The following PLEK variants were observed in gnomAD, a reference collection of about 807,000 sequenced individuals.
PLEK encodes the protein platelet 47 kDa protein.
In PLEK, 25 loss-of-function variants were observed where a neutral mutation model predicts 43.9. The observed-to-expected ratio is 0.57, with a 90% CI of 0.41 to 0.79. The LOEUF (loss-of-function observed/expected upper bound fraction) is 0.79, where lower values mean the gene tolerates loss of function less well. Among genes scored for constraint, PLEK ranks in the 30% least tolerant of loss-of-function variants. The pLI, the probability that PLEK is intolerant of heterozygous loss-of-function variation, is 0.00. For synonymous variants in PLEK, 152 were observed against 144.4 expected (o/e 1.05, Z -0.38); for missense variants, 396 against 413.3 (o/e 0.96, Z 0.36).
At chr2:68,372,805 G>A (rs572937152) in intron 1 of PLEK, among the ~76,000 whole-genome samples, 2 of 152,036 alleles carry the variant, frequency 1.3e-5, no homozygotes, top group Admixed American at 6.5e-5. Context: ...TAAAGAAATC[G>A]ATACAGATTC....
In PLEK at chr2:68,394,042, A is replaced by G. The variant is rs1673910882; in HGVS notation, c.847-65A>G. ...TAGAGTGAGTCTGGCTTTTTCACCA[A>G]GAGGATGAGGTCTATCTATACTCTG... is the stretch of plus-strand genomic sequence containing the variant. On this transcript the variant is annotated intron_variant, in intron 7 of 8. Transcript: ENST00000234313. 3 of 1,042,994 alleles carry G rather than the reference A, an allele frequency of 2.9e-6. No individual in the cohort carries two copies. In the Admixed American group the frequency reaches 5.1e-5, roughly 18 times the overall value. The allele number at this position is 1,042,994 out of a possible 1,614,324, so 64.6% of individuals were successfully genotyped here. A position where few individuals can be genotyped will look rare whatever the true frequency, so the allele number is the denominator to read the frequency against.
chr2:68,368,568 T>C (rs1673327562), intron 1 of PLEK, among the ~76,000 whole-genome samples: 1 of 152,234 alleles, frequency 6.6e-6, no homozygotes. Flanking sequence ...AACAAATTGT[T>C]TTGTGGGCAA....
At chr2:68,368,944 A>C (rs373447440) in intron 1 of PLEK, among the ~76,000 whole-genome samples, 1 of 152,214 alleles carries the variant, frequency 6.6e-6, no homozygotes, top group African/African-American at 2.4e-5. Context: ...GGCAAGCAGC[A>C]GGGACAGGAA....
At chr2:68,367,253 CT>C (rs11338240) in intron 1 of PLEK, among the ~76,000 whole-genome samples, 65,008 of 149,570 alleles carry the variant, frequency 0.43, 14,458 homozygotes, top group East Asian at 0.72. Context: ...TTAAGATTCT[CT>C]TTTTTTTTTT....
chr2:68,377,556 AT>A (rs1229396936), intron 1 of PLEK, among the ~76,000 whole-genome samples: 3 of 152,160 alleles, frequency 2.0e-5, no homozygotes, highest in Non-Finnish European at 4.4e-5. Flanking sequence ...CACACTTGCC[AT>A]TTGTATGTCT....
chr2:68,375,396 G>T (rs932790802), intron 1 of PLEK, among the ~76,000 whole-genome samples: 1 of 152,090 alleles, frequency 6.6e-6, no homozygotes, highest in South Asian at 2.1e-4. Context: ...TTTTCTTATT[G>T]ATTTGCAGGA....
intron 6 of PLEK, among the ~76,000 whole-genome samples, chr2:68,390,077 T>G (rs1297049247): frequency 6.6e-6 from 1 of 152,122 alleles, no homozygotes; most frequent in East Asian, 1.9e-4. Flanking sequence ...TGGAGCCACG[T>G]CTCAGTGAAG....
At chr2:68,395,194 C>T (rs1318800282) in intron 8 of PLEK, among the ~76,000 whole-genome samples, 1 of 150,048 alleles carries the variant, frequency 6.7e-6, no homozygotes, top group African/African-American at 2.4e-5. Flanking sequence ...TATATATATA[C>T]ACACACACAT....
chr2:68,393,675 T>C (rs1673903641), intron 7 of PLEK, among the ~76,000 whole-genome samples: 2 of 152,200 alleles, frequency 1.3e-5, no homozygotes, highest in Non-Finnish European at 2.9e-5. Context: ...ATGAACCACT[T>C]TTAAAGCATG....
At chr2:68,388,266 A>G in intron 5 of PLEK, 121 bp from the exon 6 acceptor site, 2 of 668,550 alleles carry the variant, frequency 3.0e-6, no homozygotes, top group Non-Finnish European at 5.6e-6. Context: ...GGATGTACAC[A>G]GGAATGGAGG....
intron 8 of PLEK, among the ~76,000 whole-genome samples, chr2:68,394,809 G>C (rs1388922307): frequency 6.6e-6 from 1 of 152,192 alleles, no homozygotes; most frequent in Non-Finnish European, 1.5e-5. Flanking sequence ...TGACTTCTCA[G>C]GTGCTGAGGA....
intron 8 of PLEK, 115 bp from the exon 9 acceptor site, chr2:68,395,564 TA>T: frequency 1.9e-6 from 2 of 1,042,898 alleles, no homozygotes; most frequent in Non-Finnish European, 3.0e-6. Context: ...GAAAGCCACA[TA>T]GTCAATTTCC....
At position 68,373,996 on chromosome 2, in the gene PLEK, A is replaced by G. The variant is rs181733857; in HGVS notation, c.43-6332A>G. Among the ~76,000 whole-genome samples the G allele has an allele frequency of 8.9e-4, 135 of 152,340 alleles. 1 individual carries two copies. Among genetic ancestry groups the G allele is most frequent in the African/African-American group, 3.1e-3 (127 of 41,580 alleles). ...TTTTAAAAGTTAAGCCCACAGAAAAATGAGGAAACTAGTACCATTATTCAT... is the reference window on the plus strand; with the variant it reads ...TTTTAAAAGTTAAGCCCACAGAAAAGTGAGGAAACTAGTACCATTATTCAT... On this transcript the variant is annotated intron_variant, in intron 1 of 8. Transcript: ENST00000234313.
At chr2:68,390,066 C>A (rs1414299536) in intron 6 of PLEK, among the ~76,000 whole-genome samples, 2 of 152,028 alleles carry the variant, frequency 1.3e-5, no homozygotes, top group Non-Finnish European at 2.9e-5. Context: ...TGGGACTGGA[C>A]TGGAGCCACG....
Position 68,380,709 on chromosome 2 carries a change from G to A in PLEK, c.199-14G>A. On this transcript the variant is annotated splice_polypyrimidine_tract_variant and intron_variant, in intron 2 of 8. Transcript: ENST00000234313. ...AAATAAGCCATTTCTAATGGGATGT[G>A]TTTTGATTTTCAGTTTGTGTTTAAG... 1 of 1,611,828 alleles carries A rather than the reference G, an allele frequency of 6.2e-7. No individual in the cohort carries two copies. Among genetic ancestry groups the A allele is most frequent in the Non-Finnish European group, 8.5e-7 (1 of 1,178,828 alleles).
intron 5 of PLEK, among the ~76,000 whole-genome samples, chr2:68,387,299 T>G (rs1673767532): frequency 6.6e-6 from 1 of 152,174 alleles, no homozygotes; most frequent in Non-Finnish European, 1.5e-5. Flanking sequence ...AATAATTCAT[T>G]TATAAAACTG....
intron 6 of PLEK, 141 bp downstream of exon 6, chr2:68,388,632 G>A: frequency 1.9e-6 from 1 of 538,190 alleles, no homozygotes; most frequent in East Asian, 2.8e-5. Flanking sequence ...TAGATGAGTA[G>A]CTCTTTAGAT....
Position 68,373,793 on chromosome 2 carries a change from T to C in PLEK, c.43-6535T>C, listed in dbSNP as rs536806118. On this transcript the variant is annotated intron_variant, in intron 1 of 8. Transcript: ENST00000234313. ...GGTTTAAAAGGGATTCTGGCAATCA[T>C]CTAGTGCAACTTTTCATTTCTAGCT... Among the ~76,000 whole-genome samples, 7 of 152,300 alleles carry C rather than the reference T, an allele frequency of 4.6e-5. No homozygotes were observed. The East Asian group carries it at 1.2e-3, about 25-fold the overall frequency.
intron 6 of PLEK, among the ~76,000 whole-genome samples, chr2:68,391,492 T>G (rs1328393296): frequency 5.9e-5 from 9 of 152,198 alleles, no homozygotes; most frequent in African/African-American, 2.2e-4. Context: ...ATTTTGGACA[T>G]GATATAGCAG....
Sources: allele counts gnomAD v4.1 joint callset (sites outside exome capture counted in the v4.1 genomes callset), GRCh38; gene constraint gnomAD v4.1.1; transcripts MANE v1.5; gene names NCBI Gene and HGNC (gene_info 2026-07-23, HGNC 2026-07-21).